The following PIGU variants were observed in gnomAD, a reference collection of about 807,000 sequenced individuals.
The protein encoded by PIGU is GPI-anchor transamidase component PIGU.
Under a neutral mutation model 49.9 loss-of-function variants are expected in PIGU, and 24 were observed. The ratio of observed to expected loss-of-function variants is 0.48; its 90% CI spans 0.35 to 0.68. The LOEUF is 0.68. Among genes scored for constraint, PIGU ranks in the 30% least tolerant of loss-of-function variants. PIGU has a pLI of 0.01. For missense variants in PIGU, 490 were observed against 532.6 expected, an observed-to-expected ratio of 0.92 and a Z score of 0.79; for synonymous variants, 220 against 205.7, an observed-to-expected ratio of 1.07 and a Z score of -0.59.
chr20:34,609,367 T>C (rs1484105520), intron 7 of PIGU, among the ~76,000 whole-genome samples: 1 of 147,794 alleles, frequency 6.8e-6, no homozygotes, highest in East Asian at 2.0e-4. Flanking sequence ...ACCTTTTTTG[T>C]TTTTTTTTTG....
chr20:34,586,721 C>A lies in PIGU; in HGVS notation c.783-1141G>T, dbSNP rs192179909. Among the ~76,000 whole-genome samples, 5 of 152,250 alleles carry A rather than the reference C, an allele frequency of 3.3e-5. No homozygotes were observed. The East Asian group carries it at 7.7e-4, about 24-fold the overall frequency. ...ATTCATGAATATAAACTCAGACAAG[C>A]CTGCAATACTCAAGTCCATTTGAGT... is the stretch of plus-strand genomic sequence containing the variant. On this transcript the variant is annotated intron_variant, in intron 8 of 11. Coordinates refer to ENST00000217446, the MANE Select transcript of PIGU (RefSeq NM_080476.5).
chr20:34,588,834 A>G (rs1387650599), intron 7 of PIGU, among the ~76,000 whole-genome samples: 1 of 152,188 alleles, frequency 6.6e-6, no homozygotes, highest in Non-Finnish European at 1.5e-5. Flanking sequence ...TATCCTGGAG[A>G]CAAGTTGCAG....
chr20:34,657,083 C>T (rs866442227), intron 2 of PIGU, 97 bp downstream of exon 2: 2 of 956,716 alleles, frequency 2.1e-6, no homozygotes, highest in African/African-American at 1.7e-5. Flanking sequence ...GTCAAGAATA[C>T]ATCTTTTTAA....
chr20:34,577,244 C>T (rs1983273031), intron 10 of PIGU, among the ~76,000 whole-genome samples: 1 of 152,236 alleles, frequency 6.6e-6, no homozygotes, highest in South Asian at 2.1e-4. Flanking sequence ...TTCTCTGATA[C>T]TGACCTTCAG....
At chr20:34,639,645 A>T (rs1288484293) in intron 4 of PIGU, among the ~76,000 whole-genome samples, 1 of 151,598 alleles carries the variant, frequency 6.6e-6, no homozygotes, top group African/African-American at 2.4e-5. Flanking sequence ...TTTCAAAATT[A>T]AAAAAAAATT....
At chr20:34,667,528 A>G (rs1987141692) in intron 1 of PIGU, among the ~76,000 whole-genome samples, 1 of 152,212 alleles carries the variant, frequency 6.6e-6, no homozygotes, top group Non-Finnish European at 1.5e-5. Context: ...GTCAAGATGA[A>G]AGCGGTCCCA....
chr20:34,644,061 G>T, intron 4 of PIGU, 103 bp downstream of exon 4: 2 of 1,079,818 alleles, frequency 1.9e-6, no homozygotes, highest in Non-Finnish European at 2.8e-6. Flanking sequence ...TCACTTCCTA[G>T]CACTTTAAAG....
At chr20:34,562,437 T>G in intron 11 of PIGU, 1 of 1,288,478 alleles carries the variant, frequency 7.8e-7, no homozygotes, top group Non-Finnish European at 1.0e-6. Context: ...CTCACTGACC[T>G]GAAGGTAACA....
intron 7 of PIGU, among the ~76,000 whole-genome samples, chr20:34,610,379 G>A (rs756565860): frequency 2.6e-5 from 4 of 152,094 alleles, no homozygotes; most frequent in Non-Finnish European, 4.4e-5. Flanking sequence ...AAATCAATGT[G>A]CAAAAATCAC....
intron 7 of PIGU, among the ~76,000 whole-genome samples, chr20:34,593,501 C>T (rs571559598): frequency 6.6e-5 from 10 of 152,118 alleles, no homozygotes; most frequent in South Asian, 4.1e-4. Context: ...ATTAAAGCAG[C>T]GCAATATTGG....
At chr20:34,590,129 A>T (rs113591334) in intron 7 of PIGU, among the ~76,000 whole-genome samples, 13 of 152,206 alleles carry the variant, frequency 8.5e-5, no homozygotes, top group African/African-American at 2.6e-4. Context: ...GAAGAGAAAT[A>T]ATTTATTGTT....
chr20:34,631,723 A>ATG (rs1985722670), intron 6 of PIGU, among the ~76,000 whole-genome samples: 1 of 698 alleles, frequency 1.4e-3, no homozygotes, highest in Non-Finnish European at 2.7e-3. Context: ...CCGGCTAACC[A>ATG]TATATATATA....
chr20:34,660,048 TAAAAAA>T (rs1555803430), intron 1 of PIGU, among the ~76,000 whole-genome samples: 1 of 41,456 alleles, frequency 2.4e-5, no homozygotes, highest in Non-Finnish European at 5.4e-5. Context: ...GAATGATCAA[TAAAAAA>T]AAAAAAAAAA....
At chr20:34,616,527 G>T (rs1470408072) in intron 6 of PIGU, among the ~76,000 whole-genome samples, 1 of 152,080 alleles carries the variant, frequency 6.6e-6, no homozygotes, top group Non-Finnish European at 1.5e-5. Context: ...TCCAGAGCTG[G>T]AAACCCATCC....
intron 1 of PIGU, among the ~76,000 whole-genome samples, chr20:34,660,658 A>G (rs147203504): frequency 4.3e-4 from 66 of 152,350 alleles, no homozygotes; most frequent in Admixed American, 6.5e-4. Context: ...AAATGGAGAC[A>G]TAAAATAACT....
At position 34,645,484 on chromosome 20, in the gene PIGU, C is replaced by T. The variant is rs117040440; in HGVS notation, c.196-150G>A. Reference sequence around the variant, plus strand: ...GGAATACTGTTCTACGCCAGCTGGCCGGTGTGCTTATAGGGGAGAATAATT... The same window carrying T: ...GGAATACTGTTCTACGCCAGCTGGCTGGTGTGCTTATAGGGGAGAATAATT... On this transcript the variant is annotated intron_variant, in intron 2 of 11. Transcript: ENST00000217446. 9,449 of 1,148,794 alleles carry T rather than the reference C, an allele frequency of 8.2e-3. 54 individuals are homozygous for T. The highest frequency in any genetic ancestry group is 0.02 in the Middle Eastern group (76 of 3,846). 71.2% of individuals were successfully genotyped at this position (1,148,794 alleles called of 1,614,324 possible).
intron 10 of PIGU, among the ~76,000 whole-genome samples, chr20:34,580,044 G>C (rs557185400): frequency 6.6e-6 from 1 of 152,194 alleles, no homozygotes. Flanking sequence ...CATGGGGCTC[G>C]TAATGGCAAT....
At chr20:34,637,837 T>C (rs1328413583) in intron 5 of PIGU, 39 bp downstream of exon 5, 1 of 1,594,872 alleles carries the variant, frequency 6.3e-7, no homozygotes, top group Admixed American at 1.9e-5. Context: ...TTTCCTCGCA[T>C]TTGTTGGCAC....
Position 34,645,319 on chromosome 20 carries a change from A to G in PIGU, c.211T>C (p.Tyr71His). Reference sequence around the variant, plus strand: ...TAGTCAATTAGGAAATGAAAGAGGTATATTATTAATGGAGTCTGCAGAAAA... The same window carrying G: ...TAGTCAATTAGGAAATGAAAGAGGTGTATTATTAATGGAGTCTGCAGAAAA... ...AVFHETPLII[Y>H]LFHFLIDYAE... The change falls in exon 3 of 12, where the codon TAC becomes CAC. Residue 71 changes from tyrosine (Y) to histidine (H), a missense_variant. By Grantham distance (83) the Tyr-to-His change is moderately conservative (BLOSUM62 2). Transcript: ENST00000217446. 1 of 1,575,016 alleles carries G rather than the reference A, an allele frequency of 6.3e-7. No individual in the cohort carries two copies. Among genetic ancestry groups the G allele is most frequent in the Non-Finnish European group, 8.6e-7 (1 of 1,167,264 alleles).
Sources: gnomAD v4.1 joint callset for allele counts (sites outside exome capture counted in the v4.1 genomes callset) on GRCh38, gnomAD v4.1.1 for gene constraint, MANE v1.5 for transcripts, NCBI Gene and HGNC (gene_info 2026-07-23, HGNC 2026-07-21) for gene names.